Variants in RPS6KL1 observed in about 807,000 individuals in gnomAD.
The protein encoded by RPS6KL1 is ribosomal protein S6 kinase like 1.
A neutral mutation model predicts 57.0 loss-of-function variants in RPS6KL1; 41 were observed. The observed-to-expected ratio is 0.72, with a 90% CI of 0.56 to 0.93. RPS6KL1 has a LOEUF of 0.93. RPS6KL1 is among the 40% of genes least tolerant of loss of function. The probability of loss-of-function intolerance (pLI) is 0.00; values close to 1 mark genes in which losing one functional copy is unlikely to be tolerated. For missense variants in RPS6KL1, 697 were observed against 727.7 expected (o/e 0.96, Z 0.49); for synonymous variants, 287 against 309.7 (o/e 0.93, Z 0.77).
Position 74,911,381 on chromosome 14 carries a change from C to T in RPS6KL1, c.532-1G>A, listed in dbSNP as rs1386660621. On this transcript the variant is annotated splice_acceptor_variant, in intron 6 of 11. Coordinates refer to ENST00000557413, the MANE Select transcript of RPS6KL1 (RefSeq NM_031464.5). LOFTEE classifies it high-confidence loss of function. ...TCACCATGTGGCACCTGGGTAGGCT[C>T]TGGGAGCAGCAGGGCAGGCAGATCA... 6.2e-7 allele frequency: 1 copy of T among 1,603,314 alleles called. No homozygotes were observed. The highest frequency in any genetic ancestry group is 8.5e-7 in the Non-Finnish European group (1 of 1,177,254).
chr14:74,920,460 C>T (rs1190950377), intron 3 of RPS6KL1, among the ~76,000 whole-genome samples: 1 of 151,930 alleles, frequency 6.6e-6, no homozygotes, highest in Non-Finnish European at 1.5e-5. Context: ...GCAGGAAGGG[C>T]CCAGTGCCCA....
Position 74,906,692 on chromosome 14 carries a change from G to T in RPS6KL1, c.*322C>A. 1.9e-6 allele frequency: 1 copy of T among 540,252 alleles called. No individual in the cohort carries two copies. Among genetic ancestry groups the T allele is most frequent in the Non-Finnish European group, 3.7e-6 (1 of 269,580 alleles). The allele number at this position is 540,252 out of a possible 1,614,324, so 33.5% of individuals were successfully genotyped here. Reference sequence around the variant, plus strand: ...AGTAGGGTGCAGCAGGTGGTCAACAGCTCAGCGCCAGTGCCACAGAAGGCA... The same window carrying T: ...AGTAGGGTGCAGCAGGTGGTCAACATCTCAGCGCCAGTGCCACAGAAGGCA... On this transcript the variant is annotated 3_prime_UTR_variant, in exon 12 of 12. Transcript: ENST00000557413.
Position 74,919,826 on chromosome 14 carries a change from G to T in RPS6KL1, c.390+19C>A. ...GCCCTCCTCCCGCTCAGGCCTTTGG[G>T]TGGGGGGGGTCTCCTCACCGCGCTG... On this transcript the variant is annotated intron_variant, in intron 4 of 11. Transcript: ENST00000557413. 2 of 1,591,046 alleles carry T rather than the reference G, an allele frequency of 1.3e-6. No homozygotes were observed. The highest frequency in any genetic ancestry group is 2.2e-5 in the South Asian group (2 of 90,138).
At chr14:74,908,796 C>T (rs1885359307) in intron 10 of RPS6KL1, 54 bp downstream of exon 10, 1 of 1,498,300 alleles carries the variant, frequency 6.7e-7, no homozygotes. Context: ...AAGCCTGGCC[C>T]ATCCCACACT....
At chr14:74,913,843 G>A (rs995809203) in intron 5 of RPS6KL1, among the ~76,000 whole-genome samples, 3 of 152,218 alleles carry the variant, frequency 2.0e-5, no homozygotes, top group Non-Finnish European at 4.4e-5. Flanking sequence ...AGCCCACCCT[G>A]GCTGTAAAGT....
chr14:74,911,523 A>G (rs1885973430), intron 6 of RPS6KL1, 143 bp from the exon 7 acceptor site: 2 of 934,682 alleles, frequency 2.1e-6, no homozygotes, highest in Non-Finnish European at 3.2e-6. Context: ...CCTTACCCCC[A>G]CTGCCCCTGT....
At chr14:74,914,789 T>C (rs1340446838) in intron 5 of RPS6KL1, among the ~76,000 whole-genome samples, 1 of 152,228 alleles carries the variant, frequency 6.6e-6, no homozygotes, top group African/African-American at 2.4e-5. Context: ...CTCAGCTCAC[T>C]GCAATCTCTG....
In RPS6KL1 at chr14:74,922,352, T is replaced by A. The variant is rs576112537; in HGVS notation, c.-395A>T. 1.0e-6 allele frequency: 1 copy of A among 986,076 alleles called. No homozygotes were observed. The highest frequency in any genetic ancestry group is 1.1e-4 in the East Asian group (1 of 8,822). 61.1% of individuals were successfully genotyped at this position (986,076 alleles called of 1,614,324 possible). On this transcript the variant is annotated 5_prime_UTR_variant, in exon 2 of 12. Transcript: ENST00000557413. Reference sequence around the variant, plus strand: ...GGAATCTCATTTACCCTTTGGGGTTTAGCACTTCTCCGTGGACCGGATGGA... The same window carrying A: ...GGAATCTCATTTACCCTTTGGGGTTAAGCACTTCTCCGTGGACCGGATGGA...
In RPS6KL1 at chr14:74,911,287, T is replaced by C; in HGVS notation, c.625A>G (p.Ser209Gly). The stretch of plus-strand genomic sequence containing the variant: ...AGGTGCAGGAAGATGGAGTCCTCGC[T>C]CACAAAGTACCTGAGCAGCTTCGTC... ...YMTKLLRYFV[S>G]EDSIFLHLEH... Residue 209 changes from serine (S) to glycine (G), a missense_variant, in exon 7 of 12, where the codon AGC becomes GGC. By Grantham distance (56) the Ser-to-Gly change is moderately conservative. Coordinates refer to ENST00000557413, the MANE Select transcript of RPS6KL1 (RefSeq NM_031464.5). The C allele has an allele frequency of 6.2e-7, 1 of 1,612,768 alleles. No individual in the cohort carries two copies. The highest frequency in any genetic ancestry group is 8.5e-7 in the Non-Finnish European group (1 of 1,180,000).
intron 6 of RPS6KL1, 27 bp downstream of exon 6, chr14:74,911,767 G>C (rs1462429231): frequency 5.8e-6 from 9 of 1,554,962 alleles, no homozygotes; most frequent in Non-Finnish European, 7.8e-6. Context: ...GGGGAATGCA[G>C]AGTGGCAGGG....
chr14:74,915,426 TAAAG>T (rs1447526495), intron 5 of RPS6KL1, among the ~76,000 whole-genome samples: 1 of 152,180 alleles, frequency 6.6e-6, no homozygotes, highest in Non-Finnish European at 1.5e-5. Flanking sequence ...TTGTTTTAAA[TAAAG>T]AGACCCACTG....
rs1296296138 is a variant in RPS6KL1 at position 74,918,531 on chromosome 14, C to T, written c.465G>A (p.Val155=). 6.5e-7 allele frequency: 1 copy of T among 1,533,712 alleles called. No individual in the cohort carries two copies. The highest frequency in any genetic ancestry group is 1.2e-5 in the South Asian group (1 of 83,396). Residue 155 remains valine, a synonymous_variant, in exon 5 of 12, where the codon GTG becomes GTA. Coordinates refer to ENST00000557413, the MANE Select transcript of RPS6KL1 (RefSeq NM_031464.5). The part of the protein sequence containing the change: ...SAVEQLRGCR[V]VGVIEKVQLV... ...CACTCACCTTCTCGATGACCCCGAC[C>T]ACCCTGCAGCCCCTCAGCTGCTCCA...
Position 74,906,239 on chromosome 14 carries a change from C to G in RPS6KL1, c.*775G>C, listed in dbSNP as rs1884784574. 6.7e-6 allele frequency: 2 copies of G among 298,590 alleles called. No individual in the cohort carries two copies. The highest frequency in any genetic ancestry group is 1.3e-5 in the Non-Finnish European group (2 of 149,412). 18.5% of individuals were successfully genotyped at this position (298,590 alleles called of 1,614,324 possible). A position where few individuals can be genotyped will look rare whatever the true frequency, so the allele number is the denominator to read the frequency against. ...CCCCTGGGGCAGGCTGCCCCTCTTCCCCCACACAGGCCCACTGGGGAGGAG... is the reference window on the plus strand; with the variant it reads ...CCCCTGGGGCAGGCTGCCCCTCTTCGCCCACACAGGCCCACTGGGGAGGAG... On this transcript the variant is annotated 3_prime_UTR_variant, in exon 12 of 12. Transcript: ENST00000557413.
intron 7 of RPS6KL1, 55 bp downstream of exon 7, chr14:74,911,193 T>G: frequency 6.3e-7 from 1 of 1,575,534 alleles, no homozygotes; most frequent in Non-Finnish European, 8.7e-7. Context: ...TTTTAAGGGT[T>G]GACGACATAC....
At chr14:74,911,434 G>A in intron 6 of RPS6KL1, 54 bp from the exon 7 acceptor site, 2 of 1,576,146 alleles carry the variant, frequency 1.3e-6, no homozygotes, top group Non-Finnish European at 1.7e-6. Context: ...GACTGCTGCT[G>A]TTAGGGGACC....
intron 5 of RPS6KL1, among the ~76,000 whole-genome samples, chr14:74,913,849 A>T (rs1886423435): frequency 6.6e-6 from 1 of 152,254 alleles, no homozygotes; most frequent in Admixed American, 6.5e-5. Flanking sequence ...CCCTGGCTGT[A>T]AAGTGGTTAC....
Position 74,906,798 on chromosome 14 carries a change from C to G in RPS6KL1, c.*216G>C, listed in dbSNP as rs768995214. The G allele has an allele frequency of 8.6e-6, 6 of 698,822 alleles. No individual in the cohort carries two copies. The highest frequency in any genetic ancestry group is 1.6e-5 in the Non-Finnish European group (6 of 378,424). The allele number at this position is 698,822 out of a possible 1,614,324, so 43.3% of individuals were successfully genotyped here. On this transcript the variant is annotated 3_prime_UTR_variant, in exon 12 of 12. Transcript: ENST00000557413. Reference sequence around the variant, plus strand: ...GGTTCAAGCTGCTTAGCAGGGCAAGCCTTGACTGCCCCCACCTCCAGCTTT... The same window carrying G: ...GGTTCAAGCTGCTTAGCAGGGCAAGGCTTGACTGCCCCCACCTCCAGCTTT...
In RPS6KL1 at chr14:74,907,163, G is replaced by A. The variant is rs757381215; in HGVS notation, c.1540-39C>T. On this transcript the variant is annotated intron_variant, in intron 11 of 11. Coordinates refer to ENST00000557413, the MANE Select transcript of RPS6KL1 (RefSeq NM_031464.5). ...CCCAGTCAGCTGGGCCACTCCAGCT[G>A]TGGAGGCATGGGGTGACCTCCAGGG... 20 of 1,539,954 alleles carry A rather than the reference G, an allele frequency of 1.3e-5. No individual in the cohort carries two copies. The South Asian group carries it at 2.3e-4, about 17-fold the overall frequency.
In RPS6KL1 at chr14:74,906,143, AGAGGGAGTCCT is replaced by A; in HGVS notation, c.*860_*870del. On this transcript the variant is annotated 3_prime_UTR_variant, in exon 12 of 12. Transcript: ENST00000557413. ...TGACATGGTAAACAGCCAGGGCCTG[AGAGGGAGTCCT>A]GATGGGCACACCTTGTCTAAACTGC... 1 of 208,192 alleles carries A rather than the reference AGAGGGAGTCCT, an allele frequency of 4.8e-6. No homozygotes were observed. Among genetic ancestry groups the A allele is most frequent in the East Asian group, 1.1e-4 (1 of 8,974 alleles). 12.9% of individuals were successfully genotyped at this position (208,192 alleles called of 1,614,324 possible).
Sources: gnomAD v4.1 joint callset for allele counts (sites outside exome capture counted in the v4.1 genomes callset) on GRCh38, gnomAD v4.1.1 for gene constraint, MANE v1.5 for transcripts, NCBI Gene and HGNC (gene_info 2026-07-23, HGNC 2026-07-21) for gene names.